Variants in CENPI observed in about 807,000 individuals in gnomAD.
The protein encoded by CENPI is FSH primary response 1.
Under a neutral mutation model 60.4 loss-of-function variants are expected in CENPI, and 4 were observed. The ratio of observed to expected loss-of-function variants is 0.07; its 90% CI spans 0.03 to 0.15. CENPI has a LOEUF of 0.15. Among genes scored for constraint, CENPI ranks in the 10% least tolerant of loss-of-function variants. The probability of loss-of-function intolerance (pLI) is 1.00; values close to 1 mark genes in which losing one functional copy is unlikely to be tolerated. For synonymous variants in CENPI, 157 were observed against 189.4 expected, an observed-to-expected ratio of 0.83 and a Z score of 1.40; for missense variants, 444 against 534.5, an observed-to-expected ratio of 0.83 and a Z score of 1.67.
intron 12 of CENPI, among the ~76,000 whole-genome samples, 184 bp from the exon 13 acceptor site, chrX:101,129,798 G>C (rs2089776197): frequency 9.0e-6 from 1 of 111,627 alleles, no homozygotes; most frequent in Non-Finnish European, 1.9e-5. Context: ...ATATTACCAA[G>C]TTGTTGAGGA....
chrX:101,103,794 A>T (rs1228018605), intron 4 of CENPI, among the ~76,000 whole-genome samples: 2 of 112,126 alleles, frequency 1.8e-5, no homozygotes, highest in African/African-American at 6.5e-5. Context: ...TATGCCAAAA[A>T]TAACCAGTTA....
intron 20 of CENPI, among the ~76,000 whole-genome samples, chrX:101,157,221 T>G (rs1234547937): frequency 8.9e-6 from 1 of 111,951 alleles, no homozygotes; most frequent in Non-Finnish European, 1.9e-5. Context: ...GACTTATGAC[T>G]CACCAGACTT....
Position 101,163,301 on chromosome X carries a change from G to A in CENPI, c.*334G>A, listed in dbSNP as rs1354984945. On this transcript the variant is annotated 3_prime_UTR_variant, in exon 22 of 22. Transcript: ENST00000682095. ...GAGCTGCATTGATGGAAGACAGCAG[G>A]CAATATGTGGTGACAGTTAACTCAC... is the stretch of plus-strand genomic sequence containing the variant. 5.6e-6 allele frequency: 1 copy of A among 178,738 alleles called. No homozygotes were observed. The highest frequency in any genetic ancestry group is 3.1e-5 in the African/African-American group (1 of 31,793). 14.7% of individuals were successfully genotyped at this position (178,738 alleles called of 1,213,427 possible).
At chrX:101,179,666 G>A in the CENPI span, among the ~76,000 whole-genome samples, 3 of 111,121 alleles carry the variant, frequency 2.7e-5, no homozygotes, top group Non-Finnish European at 5.7e-5. Context: ...GACTACAGGC[G>A]CCTGCCACAT....
In CENPI at chrX:101,146,171, A is replaced by C; in HGVS notation, c.1720A>C (p.Asn574His). ...FYEKVCDIYI[N>H]YNLPLVVLFP... ...CTCCAAGGTGTGTGACATATATATA[A>C]ATTATAACCTTCCATTAGTGGTATT... Residue 574 changes from asparagine (N) to histidine (H), a missense_variant, in exon 18 of 22, where the codon AAT becomes CAT. Coordinates refer to ENST00000682095, the MANE Select transcript of CENPI (RefSeq NM_001386188.2). 1 of 1,201,006 alleles carries C rather than the reference A, an allele frequency of 8.3e-7. No homozygotes were observed. Among genetic ancestry groups the C allele is most frequent in the African/African-American group, 1.7e-5 (1 of 57,459 alleles).
chrX:101,154,970 C>T (rs1308362984), intron 20 of CENPI, among the ~76,000 whole-genome samples: 5 of 110,620 alleles, frequency 4.5e-5, no homozygotes, highest in African/African-American at 1.6e-4. Flanking sequence ...TTGGTATATT[C>T]CTTAGGATTT....
chrX:101,153,753 G>T (rs1366016802), intron 20 of CENPI, among the ~76,000 whole-genome samples: 1 of 111,948 alleles, frequency 8.9e-6, no homozygotes, highest in East Asian at 2.8e-4. Context: ...ATTTACAAAG[G>T]TTTTTAATTT....
intron 21 of CENPI, among the ~76,000 whole-genome samples, chrX:101,162,473 A>ATATATATATATATATATAT (rs1556409814): frequency 2.9e-5 from 2 of 68,108 alleles, no homozygotes; most frequent in African/African-American, 1.4e-4. Flanking sequence ...AAAAAAAAAA[A>ATATATATATATATATATAT]ATATATATAT....
chrX:101,120,333 G>A (rs1039884424), intron 6 of CENPI, 69 bp from the exon 7 acceptor site: 2 of 509,401 alleles, frequency 3.9e-6, no homozygotes, highest in Non-Finnish European at 3.4e-6. Context: ...TGACATTTGA[G>A]GAAAATGTGT....
chrX:101,145,664 A>G (rs1460101657), intron 17 of CENPI, among the ~76,000 whole-genome samples: 4 of 107,781 alleles, frequency 3.7e-5, no homozygotes, highest in Non-Finnish European at 3.9e-5. Flanking sequence ...TTTGCCATTG[A>G]AAACAATAGC....
downstream of CENPI, among the ~76,000 whole-genome samples, chrX:101,171,114 T>C (rs2090156129): frequency 8.9e-6 from 1 of 112,023 alleles, no homozygotes; most frequent in Non-Finnish European, 1.9e-5. Flanking sequence ...TACAGCGCTA[T>C]ATTAATCAAG....
chrX:101,111,512 A>G (rs1244176600), intron 6 of CENPI, among the ~76,000 whole-genome samples: 1 of 99,062 alleles, frequency 1.0e-5, no homozygotes, highest in African/African-American at 3.9e-5. Context: ...ATTCTTCATT[A>G]TGTTCTTCAT....
In CENPI at chrX:101,126,807, T is replaced by C. The variant is rs2089740980; in HGVS notation, c.777+9T>C. On this transcript the variant is annotated intron_variant, in intron 9 of 21. Coordinates refer to ENST00000682095, the MANE Select transcript of CENPI (RefSeq NM_001386188.2). ...TGCCTGTAAGGAAGAAGGTAAGGGA[T>C]TAAGGAGAGAGAAATCATATTAAGA... 2 of 1,135,201 alleles carry C rather than the reference T, an allele frequency of 1.8e-6. No homozygotes were observed. The highest frequency in any genetic ancestry group is 3.6e-5 in the African/African-American group (2 of 56,256). 93.6% of individuals were successfully genotyped at this position (1,135,201 alleles called of 1,213,427 possible).
chrX:101,130,097 A>T (rs765596383), intron 13 of CENPI, 24 bp downstream of exon 13: 6 of 978,979 alleles, frequency 6.1e-6, no homozygotes, highest in Non-Finnish European at 8.6e-6. Context: ...TGCTTCTTCC[A>T]CTCTCCACCA....
chrX:101,181,068 T>C, the CENPI span, among the ~76,000 whole-genome samples: 1 of 112,062 alleles, frequency 8.9e-6, no homozygotes, highest in East Asian at 2.8e-4. Context: ...TACCTTCTAT[T>C]GAATTTTCTT....
At chrX:101,103,547 G>C (rs1467725213) in intron 4 of CENPI, among the ~76,000 whole-genome samples, 1 of 109,095 alleles carries the variant, frequency 9.2e-6, no homozygotes, top group Non-Finnish European at 1.9e-5. Flanking sequence ...CTCCATGTTG[G>C]TCGGGTTGGT....
At chrX:101,140,350 A>G (rs1396889495) in intron 15 of CENPI, among the ~76,000 whole-genome samples, 1 of 112,172 alleles carries the variant, frequency 8.9e-6, no homozygotes, top group African/African-American at 3.2e-5. Flanking sequence ...CTGAGGGGGG[A>G]TGATAAAGAT....
At position 101,143,586 on chromosome X, in the gene CENPI, G is replaced by C. The variant is rs947690822; in HGVS notation, c.1566-1478G>C. On this transcript the variant is annotated intron_variant, in intron 16 of 21. Coordinates refer to ENST00000682095, the MANE Select transcript of CENPI (RefSeq NM_001386188.2). ...TGTCGCCCAGGCCAGGCTGAAGTGC[G>C]ATAGCACGATCTTGGCTCATTGCAA... Among the ~76,000 whole-genome samples the C allele has an allele frequency of 1.3e-4, 15 of 112,795 alleles. No homozygotes were observed. The Admixed American group carries it at 1.4e-3, about 11-fold the overall frequency.
chrX:101,133,401 A>G (rs768806835), intron 15 of CENPI, among the ~76,000 whole-genome samples: 2 of 105,613 alleles, frequency 1.9e-5, no homozygotes, highest in East Asian at 5.9e-4. Flanking sequence ...CTTCCACGCT[A>G]AAGAGCTGTT....
Sources: gnomAD v4.1 joint callset for allele counts (sites outside exome capture counted in the v4.1 genomes callset) on GRCh38, gnomAD v4.1.1 for gene constraint, MANE v1.5 for transcripts, NCBI Gene and HGNC (gene_info 2026-07-23, HGNC 2026-07-21) for gene names.